Variants in CCDC6 observed in about 807,000 individuals in gnomAD.
CCDC6 encodes the protein coiled-coil domain containing 6, also known as coiled-coil domain-containing protein 6.
CCDC6 carries 20 observed loss-of-function variants against 56.6 expected under a neutral mutation model. The ratio of observed to expected loss-of-function variants is 0.35; its 90% CI spans 0.25 to 0.51. The LOEUF (loss-of-function observed/expected upper bound fraction) is 0.51, where lower values mean the gene tolerates loss of function less well. Among genes scored for constraint, CCDC6 ranks in the 20% least tolerant of loss-of-function variants. The pLI is 0.95. For synonymous variants in CCDC6, 241 were observed against 234.4 expected (o/e 1.03, Z -0.26); for missense variants, 367 against 601.1 (o/e 0.61, Z 4.07).
intron 1 of CCDC6, among the ~76,000 whole-genome samples, chr10:59,903,156 G>A (rs74557533): frequency 0.017 from 2,537 of 152,264 alleles, 28 homozygotes; most frequent in Middle Eastern, 0.048. Context: ...GAGTTTGCAG[G>A]GAGGGAAAGA....
intron 5 of CCDC6, among the ~76,000 whole-genome samples, chr10:59,812,382 T>C (rs972152693): frequency 6.6e-6 from 1 of 152,024 alleles, no homozygotes; most frequent in Non-Finnish European, 1.5e-5. Flanking sequence ...ATGTTACTTG[T>C]GATCCTGGAT....
At chr10:59,869,726 C>T (rs2071211530) in intron 1 of CCDC6, among the ~76,000 whole-genome samples, 1 of 152,140 alleles carries the variant, frequency 6.6e-6, no homozygotes, top group Non-Finnish European at 1.5e-5. Context: ...AAACTGACCA[C>T]TTTGTTACCC....
At chr10:59,852,131 TC>T (rs1415708100) in intron 2 of CCDC6, among the ~76,000 whole-genome samples, 1 of 152,178 alleles carries the variant, frequency 6.6e-6, no homozygotes, top group African/African-American at 2.4e-5. Flanking sequence ...CCTTTCTACT[TC>T]CTAAAGATGT....
intron 1 of CCDC6, among the ~76,000 whole-genome samples, chr10:59,883,252 TA>T (rs1328130408): frequency 4.6e-5 from 7 of 152,242 alleles, no homozygotes; most frequent in Admixed American, 2.6e-4. Context: ...CGAAAAGGAC[TA>T]AAGTATAGCA....
chr10:59,905,860 TA>T lies in CCDC6; in HGVS notation c.303+261del, dbSNP rs2071540988. On this transcript the variant is annotated intron_variant, in intron 1 of 8. Transcript: ENST00000263102. ...CCGGAGGGGCCTCCTCTCCAGAGGCTAAAAGGGACCATGAATGGTTGCCACA... is the reference window on the plus strand; with the variant it reads ...CCGGAGGGGCCTCCTCTCCAGAGGCTAAAGGGACCATGAATGGTTGCCACA... Among the ~76,000 whole-genome samples, 3 of 151,980 alleles carry T rather than the reference TA, an allele frequency of 2.0e-5. No individual in the cohort carries two copies. In the South Asian group the frequency reaches 6.2e-4, roughly 32 times the overall value.
chr10:59,813,410 T>C (rs1374254766), intron 4 of CCDC6, among the ~76,000 whole-genome samples: 1 of 152,240 alleles, frequency 6.6e-6, no homozygotes, highest in Non-Finnish European at 1.5e-5. Context: ...ATTATTTTTA[T>C]GTTGAAGGAT....
Position 59,809,726 on chromosome 10 carries a change from CTG to C in CCDC6, c.848-2650_848-2649del, listed in dbSNP as rs200750286. On this transcript the variant is annotated intron_variant, in intron 5 of 8. Coordinates refer to ENST00000263102, the MANE Select transcript of CCDC6 (RefSeq NM_005436.5). ...AACATCATCCACAGATCCTTGGAAA[CTG>C]TGACTTTAAGTGAAACAACATATGT... 5.2e-3 allele frequency among the ~76,000 whole-genome samples: 794 copies of C among 152,338 alleles called. 5 individuals are homozygous for C. Among genetic ancestry groups the C allele is most frequent in the African/African-American group, 0.018 (748 of 41,576 alleles).
At chr10:59,897,948 A>T (rs2071475984) in intron 1 of CCDC6, among the ~76,000 whole-genome samples, 2 of 152,192 alleles carry the variant, frequency 1.3e-5, no homozygotes, top group Non-Finnish European at 2.9e-5. Context: ...CCTGGTGGGT[A>T]TTACCCAGAT....
intron 1 of CCDC6, among the ~76,000 whole-genome samples, chr10:59,905,816 G>T (rs1312977295): frequency 6.6e-6 from 1 of 152,098 alleles, no homozygotes; most frequent in African/African-American, 2.4e-5. Flanking sequence ...CAGCCACGCC[G>T]CCAGCCTCCA....
At chr10:59,851,133 A>G (rs77805603) in intron 2 of CCDC6, among the ~76,000 whole-genome samples, 16 of 53,528 alleles carry the variant, frequency 3.0e-4, no homozygotes, top group African/African-American at 1.6e-3. Flanking sequence ...TGTAAATTGA[A>G]AAAAAAAAAA....
In CCDC6 at chr10:59,791,089, C is replaced by T. The variant is rs749707171; in HGVS notation, c.*1828G>A. On this transcript the variant is annotated 3_prime_UTR_variant, in exon 9 of 9. Coordinates refer to ENST00000263102, the MANE Select transcript of CCDC6 (RefSeq NM_005436.5). ...GTGAGTGAACTGTTGGTGAAAATTC[C>T]GGGTTTGACATGGCCCAGTCTGATC... 5 of 207,972 alleles carry T rather than the reference C, an allele frequency of 2.4e-5. No individual in the cohort carries two copies. Among genetic ancestry groups the T allele is most frequent in the South Asian group, 1.9e-4 (1 of 5,314 alleles). 12.9% of individuals were successfully genotyped at this position (207,972 alleles called of 1,614,324 possible).
At chr10:59,829,888 T>C (rs1423706013) in intron 3 of CCDC6, among the ~76,000 whole-genome samples, 2 of 152,194 alleles carry the variant, frequency 1.3e-5, no homozygotes, top group Non-Finnish European at 1.5e-5. Flanking sequence ...AGTGGGTGAA[T>C]TGTAGGATAT....
intron 1 of CCDC6, among the ~76,000 whole-genome samples, chr10:59,874,025 CTA>C (rs2071255598): frequency 6.6e-6 from 1 of 151,862 alleles, no homozygotes; most frequent in East Asian, 1.9e-4. Flanking sequence ...CAGTGAAGAT[CTA>C]TGACATCTAA....
intron 2 of CCDC6, among the ~76,000 whole-genome samples, chr10:59,835,953 A>G (rs1158528851): frequency 6.7e-6 from 1 of 150,172 alleles, no homozygotes; most frequent in Non-Finnish European, 1.5e-5. Flanking sequence ...TACTCAGGAG[A>G]CTGAGGTGAG....
At chr10:59,831,924 C>T (rs1038184504) in intron 3 of CCDC6, among the ~76,000 whole-genome samples, 1 of 152,172 alleles carries the variant, frequency 6.6e-6, no homozygotes, top group Non-Finnish European at 1.5e-5. Context: ...GTTAAGTTTG[C>T]CATTTCTGGT....
intron 1 of CCDC6, among the ~76,000 whole-genome samples, chr10:59,886,060 A>T (rs2071381302): frequency 6.6e-6 from 1 of 152,198 alleles, no homozygotes; most frequent in South Asian, 2.1e-4. Flanking sequence ...TATATACGTT[A>T]TTTGTAATAT....
intron 7 of CCDC6, among the ~76,000 whole-genome samples, chr10:59,802,443 T>C (rs917989971): frequency 1.6e-4 from 24 of 152,292 alleles, no homozygotes; most frequent in African/African-American, 5.8e-4. Flanking sequence ...TAAAAACTAA[T>C]GTGAAAAGAA....
intron 1 of CCDC6, among the ~76,000 whole-genome samples, chr10:59,861,771 T>C (rs893542013): frequency 3.9e-5 from 6 of 152,218 alleles, no homozygotes; most frequent in African/African-American, 1.4e-4. Flanking sequence ...AGAAATTATT[T>C]TAACAAATAA....
chr10:59,810,738 C>G (rs891331013), intron 5 of CCDC6, among the ~76,000 whole-genome samples: 1 of 151,984 alleles, frequency 6.6e-6, no homozygotes, highest in Non-Finnish European at 1.5e-5. Flanking sequence ...GCCCAGAAAC[C>G]TGTATGGTGC....
Sources: gnomAD v4.1 joint callset for allele counts (sites outside exome capture counted in the v4.1 genomes callset) on GRCh38, gnomAD v4.1.1 for gene constraint, MANE v1.5 for transcripts, NCBI Gene and HGNC (gene_info 2026-07-23, HGNC 2026-07-21) for gene names.